Variants in BDH1 observed in about 807,000 individuals in gnomAD.
BDH1 encodes D-beta-hydroxybutyrate dehydrogenase, mitochondrial.
Under a neutral mutation model 33.1 loss-of-function variants are expected in BDH1, and 30 were observed. The ratio of observed to expected loss-of-function variants is 0.91; its 90% CI spans 0.68 to 1.23. The LOEUF (loss-of-function observed/expected upper bound fraction) is 1.23, where lower values mean the gene tolerates loss of function less well. Among genes scored for constraint, BDH1 ranks in the 50% most tolerant of loss-of-function variants. BDH1 has a pLI of 0.00. For missense variants in BDH1, 443 were observed against 464.4 expected, an observed-to-expected ratio of 0.95 and a Z score of 0.42; for synonymous variants, 190 against 183.6, an observed-to-expected ratio of 1.03 and a Z score of -0.28.
chr3:197,516,045 A>G lies in BDH1; in HGVS notation c.410-1629T>C, dbSNP rs1286170156. On this transcript the variant is annotated intron_variant, in intron 6 of 7. Transcript: ENST00000392379. This position sits in a 1 kb window ranked among gnomAD's most constrained non-coding sequence, Gnocchi z 4.2. ...ACCAAGGACCTCACCCCCAGTCTTC[A>G]CTCTCCTCAGGCTCGCTACGATATG... Among the ~76,000 whole-genome samples the G allele has an allele frequency of 6.6e-6, 1 of 151,576 alleles. No homozygotes were observed. The highest frequency in any genetic ancestry group is 1.5e-5 in the Non-Finnish European group (1 of 67,910).
intron 3 of BDH1, among the ~76,000 whole-genome samples, chr3:197,544,622 G>A (rs924708931): frequency 1.3e-5 from 2 of 152,164 alleles, no homozygotes; most frequent in South Asian, 2.1e-4. Context: ...GGCCTCCGCC[G>A]TCCCCGCTGT....
chr3:197,528,006 C>T lies in BDH1; in HGVS notation c.267+4406G>A, dbSNP rs1413205571. Among the ~76,000 whole-genome samples, 2 of 152,178 alleles carry T rather than the reference C, an allele frequency of 1.3e-5. No individual in the cohort carries two copies. The highest frequency in any genetic ancestry group is 2.9e-5 in the Non-Finnish European group (2 of 68,030). On this transcript the variant is annotated intron_variant, in intron 5 of 7. Transcript: ENST00000392379. This position sits in a 1 kb window ranked among gnomAD's most constrained non-coding sequence, Gnocchi z 5.1. The stretch of plus-strand genomic sequence containing the variant: ...TACCACCCTGCAGAGAAGCAATTTA[C>T]TTATCTTATTCCTTGCCTATCATCC...
At chr3:197,538,472 C>A in intron 3 of BDH1, 1 of 439,864 alleles carries the variant, frequency 2.3e-6, no homozygotes, top group East Asian at 7.0e-5. Context: ...CTGCCTCAGC[C>A]TCCTGAGTAG....
At chr3:197,564,962 GC>G (rs1717386967) in intron 1 of BDH1, among the ~76,000 whole-genome samples, 1 of 151,992 alleles carries the variant, frequency 6.6e-6, no homozygotes, top group Admixed American at 6.6e-5. Context: ...CGCTCTTGTT[GC>G]CCAGGCTAGG....
Position 197,511,862 on chromosome 3 carries a change from AG to A in BDH1, c.*32del, listed in dbSNP as rs1299552516. The A allele has an allele frequency of 1.3e-5, 20 of 1,497,552 alleles. No homozygotes were observed. Among genetic ancestry groups the A allele is most frequent in the Non-Finnish European group, 1.8e-5 (20 of 1,110,550 alleles). 92.8% of individuals were successfully genotyped at this position (1,497,552 alleles called of 1,614,324 possible). On this transcript the variant is annotated 3_prime_UTR_variant, in exon 8 of 8. Coordinates refer to ENST00000392379, the MANE Select transcript of BDH1 (RefSeq NM_203314.3). ...TTCCTCCCTCCCCTCCCCTTCCACC[AG>A]GGATCCCTGACAGAGGCCACAGCGA...
At chr3:197,536,653 C>T (rs1045409140) in intron 3 of BDH1, among the ~76,000 whole-genome samples, 53 of 151,990 alleles carry the variant, frequency 3.5e-4, no homozygotes, top group African/African-American at 1.2e-3. Flanking sequence ...CCAGCCTGGC[C>T]GACATGGTGA....
At chr3:197,531,257 A>G (rs1039557190) in intron 5 of BDH1, among the ~76,000 whole-genome samples, 2 of 151,684 alleles carry the variant, frequency 1.3e-5, no homozygotes, top group Admixed American at 6.6e-5. Flanking sequence ...TTAGGTGGGC[A>G]TGGTGGCTCA....
chr3:197,572,861 C>A (rs1191807950), intron 1 of BDH1, among the ~76,000 whole-genome samples: 2 of 151,956 alleles, frequency 1.3e-5, no homozygotes, highest in Non-Finnish European at 2.9e-5. Context: ...TAATGTATTA[C>A]AACAAGCTGT....
At chr3:197,518,139 C>CT (rs557940809) in intron 6 of BDH1, among the ~76,000 whole-genome samples, 275 of 22,354 alleles carry the variant, frequency 0.012, 26 homozygotes, top group Non-Finnish European at 0.023. Flanking sequence ...TCTCCATCCC[C>CT]CCTCAGGCCG....
upstream of BDH1, among the ~76,000 whole-genome samples, chr3:197,559,923 GGTCACTCCCAAC>G (rs1717206462): frequency 1.3e-5 from 2 of 152,182 alleles, no homozygotes; most frequent in South Asian, 4.1e-4. Context: ...GTGGAAATCA[GGTCACTCCCAAC>G]ACTGCATGCA....
rs1307651102 is a variant in BDH1, at chr3:197,526,874, T to C, written c.268-4093A>G. Among the ~76,000 whole-genome samples the C allele has an allele frequency of 4.6e-5, 7 of 152,164 alleles. No homozygotes were observed. Among genetic ancestry groups the C allele is most frequent in the Non-Finnish European group, 1.5e-5 (1 of 68,018 alleles). On this transcript the variant is annotated intron_variant, in intron 5 of 7. Coordinates refer to ENST00000392379, the MANE Select transcript of BDH1 (RefSeq NM_203314.3). This position sits in a 1 kb window ranked among gnomAD's most constrained non-coding sequence, Gnocchi z 4.7. Reference sequence around the variant, plus strand: ...GCACACATGGTAAGCCAAGAAGCTCTCCGGGGAGTTCAAGAACTTGGAGAA... The same window carrying C: ...GCACACATGGTAAGCCAAGAAGCTCCCCGGGGAGTTCAAGAACTTGGAGAA...
At chr3:197,519,127 G>A (rs1247912067) in intron 6 of BDH1, among the ~76,000 whole-genome samples, 2 of 149,594 alleles carry the variant, frequency 1.3e-5, no homozygotes, top group Non-Finnish European at 3.0e-5. Context: ...TTCCTGCTCT[G>A]TGGTCTCCAT....
chr3:197,544,618 C>T (rs895802932), intron 3 of BDH1, among the ~76,000 whole-genome samples: 1 of 152,170 alleles, frequency 6.6e-6, no homozygotes, highest in African/African-American at 2.4e-5. Flanking sequence ...CAGGGGCCTC[C>T]GCCGTCCCCG....
At chr3:197,559,416 CT>C (rs1422111097), upstream of BDH1, among the ~76,000 whole-genome samples, 1 of 152,210 alleles carries the variant, frequency 6.6e-6, no homozygotes, top group African/African-American at 2.4e-5. Flanking sequence ...TATTCTCCCC[CT>C]TTTTAAGAAT....
At chr3:197,549,856 G>A (rs554136565) in intron 2 of BDH1, among the ~76,000 whole-genome samples, 4 of 144,044 alleles carry the variant, frequency 2.8e-5, no homozygotes, top group African/African-American at 1.1e-4. Context: ...CAAACAGTTT[G>A]TACTTACTAT....
rs1360975964 is a variant in BDH1, at chr3:197,520,541, G to C, written c.409+2099C>G. On this transcript the variant is annotated intron_variant, in intron 6 of 7. Transcript: ENST00000392379. This position sits in a 1 kb window ranked among gnomAD's most constrained non-coding sequence, Gnocchi z 6.0. ...GGAAGTGATTCTGCCCCAGAGTCAG[G>C]GGGGCAGGGGACGAGGACCGCCAGC... Among the ~76,000 whole-genome samples, 4 of 152,130 alleles carry C rather than the reference G, an allele frequency of 2.6e-5. No homozygotes were observed. The highest frequency in any genetic ancestry group is 5.9e-5 in the Non-Finnish European group (4 of 68,020).
In BDH1 at chr3:197,510,499, G is replaced by A. The variant is rs536935547; in HGVS notation, c.*1396C>T. 1 of 152,612 alleles carries A rather than the reference G, an allele frequency of 6.6e-6. No homozygotes were observed. Among genetic ancestry groups the A allele is most frequent in the South Asian group, 2.1e-4 (1 of 4,836 alleles). The allele number at this position is 152,612 out of a possible 1,614,324, so 9.5% of individuals were successfully genotyped here. On this transcript the variant is annotated 3_prime_UTR_variant, in exon 8 of 8. Transcript: ENST00000392379. ...CAGCTTTCAAACTGAAACCCAAGAA[G>A]TGATCATGCAGACCCTGCCTCAAGT...
upstream of BDH1, among the ~76,000 whole-genome samples, chr3:197,556,501 C>T (rs1717050744): frequency 1.3e-5 from 2 of 152,034 alleles, no homozygotes; most frequent in Non-Finnish European, 2.9e-5. Flanking sequence ...AAACCAGTCT[C>T]TACTAAAAAT....
chr3:197,540,399 G>A lies in BDH1; in HGVS notation c.83+5962C>T, dbSNP rs184177933. ...AACAAAAAGGTTGTGGCCGGGAGCG[G>A]TGGCTCACACCTGTAATCCCAGCAC... On this transcript the variant is annotated intron_variant, in intron 3 of 7. Coordinates refer to ENST00000392379, the MANE Select transcript of BDH1 (RefSeq NM_203314.3). Among the ~76,000 whole-genome samples, 403 of 149,570 alleles carry A rather than the reference G, an allele frequency of 2.7e-3. 1 individual carries two copies. The highest frequency in any genetic ancestry group is 4.9e-3 in the Non-Finnish European group (330 of 67,650).
Sources: gnomAD v4.1 joint callset for allele counts (sites outside exome capture counted in the v4.1 genomes callset) on GRCh38, gnomAD v4.1.1 for gene constraint, Gnocchi (gnomAD v3.1) non-coding constraint, MANE v1.5 for transcripts, NCBI Gene and HGNC (gene_info 2026-07-23, HGNC 2026-07-21) for gene names.